FBXO31: variants seen among roughly 807,000 people sequenced by gnomAD.
The protein encoded by FBXO31 is F-box only protein 31.
A neutral mutation model predicts 54.4 loss-of-function variants in FBXO31; 24 were observed. The observed-to-expected ratio is 0.44, with a 90% CI of 0.32 to 0.62. The LOEUF (loss-of-function observed/expected upper bound fraction) is 0.62. Among genes scored for constraint, FBXO31 ranks in the 20% least tolerant of loss-of-function variants. FBXO31 has a pLI of 0.05. For synonymous variants in FBXO31, 388 were observed against 335.6 expected, an observed-to-expected ratio of 1.16 and a Z score of -1.71; for missense variants, 665 against 787.1, an observed-to-expected ratio of 0.84 and a Z score of 1.86.
At chr16:87,386,713 C>G (rs1038271983), upstream of FBXO31, among the ~76,000 whole-genome samples, 1 of 152,170 alleles carries the variant, frequency 6.6e-6, no homozygotes, top group African/African-American at 2.4e-5. Context: ...GGATTACAGG[C>G]ACGAGCCACT....
chr16:87,383,540 C>G lies in FBXO31; in HGVS notation c.205G>C (p.Glu69Gln), dbSNP rs1907180748. ...SPPPPRCSLLELPPELLVEIF... is the reference protein window; with the variant it reads ...SPPPPRCSLLQLPPELLVEIF... ...TCCACCAGCAGCTCGGGCGGCAGCT[C>G]CAGCAGCGAGCAGCGCGGGGGCGGC... The change falls in exon 1 of 9, where the codon GAG (glutamate) becomes CAG (glutamine). Residue 69 changes from glutamate (E) to glutamine (Q), a missense_variant. Glu to Gln is a conservative substitution (Grantham distance 29, BLOSUM62 2). Coordinates refer to ENST00000311635, the MANE Select transcript of FBXO31 (RefSeq NM_024735.5). This position sits in a 1 kb window ranked among gnomAD's most constrained non-coding sequence, Gnocchi z 4.9. 6.4e-7 allele frequency: 1 copy of G among 1,572,034 alleles called. No homozygotes were observed. Among genetic ancestry groups the G allele is most frequent in the Non-Finnish European group, 8.6e-7 (1 of 1,164,368 alleles).
intron 1 of FBXO31, among the ~76,000 whole-genome samples, chr16:87,379,660 C>T (rs1034111791): frequency 1.3e-5 from 2 of 152,116 alleles, no homozygotes; most frequent in Non-Finnish European, 2.9e-5. Context: ...TCATTTCATC[C>T]ATCAGCCAGG....
At chr16:87,364,387 C>T (rs1407671506) in intron 1 of FBXO31, among the ~76,000 whole-genome samples, 1 of 152,242 alleles carries the variant, frequency 6.6e-6, no homozygotes, top group Non-Finnish European at 1.5e-5. Flanking sequence ...CCAGCAGGCC[C>T]TGGATGGCCA....
At position 87,358,706 on chromosome 16, in the gene FBXO31, C is replaced by T. The variant is rs576193104; in HGVS notation, c.412+1589G>A. On this transcript the variant is annotated intron_variant, in intron 2 of 8. Coordinates refer to ENST00000311635, the MANE Select transcript of FBXO31 (RefSeq NM_024735.5). This position sits in a 1 kb window ranked among gnomAD's most constrained non-coding sequence, Gnocchi z 4.0. ...CGTTTTCCTTCCATCAGTGGTGCCACCAGAAACTCACGGTGGCAGCAAGCT... is the reference window on the plus strand; with the variant it reads ...CGTTTTCCTTCCATCAGTGGTGCCATCAGAAACTCACGGTGGCAGCAAGCT... 1.4e-4 allele frequency among the ~76,000 whole-genome samples: 22 copies of T among 152,300 alleles called. 1 individual carries two copies. In the South Asian group the frequency reaches 1.5e-3, roughly 10 times the overall value.
intron 1 of FBXO31, among the ~76,000 whole-genome samples, chr16:87,376,765 G>C (rs75210147): frequency 0.061 from 9,357 of 152,236 alleles, 405 homozygotes; most frequent in Non-Finnish European, 0.093. Context: ...GCACCTCCCA[G>C]GCAGCCCAAG....
chr16:87,361,910 T>C (rs1378361851), intron 1 of FBXO31, among the ~76,000 whole-genome samples: 3 of 152,258 alleles, frequency 2.0e-5, no homozygotes, highest in Admixed American at 6.5e-5. Context: ...AGAAGGCCTG[T>C]GTCTCCTCTC....
At chr16:87,353,088 G>A (rs1048145840) in intron 2 of FBXO31, among the ~76,000 whole-genome samples, 2 of 152,304 alleles carry the variant, frequency 1.3e-5, no homozygotes, top group East Asian at 1.9e-4. Context: ...TCCGTCAGCC[G>A]AGGCGTGGCC....
upstream of FBXO31, among the ~76,000 whole-genome samples, chr16:87,385,529 A>G (rs1208592607): frequency 1.3e-5 from 2 of 152,210 alleles, no homozygotes; most frequent in Admixed American, 6.5e-5. Flanking sequence ...TTAAACAAGT[A>G]ACCACATAGA....
upstream of FBXO31, among the ~76,000 whole-genome samples, chr16:87,387,025 G>C (rs945227267): frequency 6.6e-6 from 1 of 152,170 alleles, no homozygotes; most frequent in African/African-American, 2.4e-5. Flanking sequence ...AAGGCTGGGA[G>C]TGGTGGCTCA....
upstream of FBXO31, among the ~76,000 whole-genome samples, chr16:87,390,374 T>A (rs897424292): frequency 2.0e-5 from 3 of 152,196 alleles, no homozygotes; most frequent in Non-Finnish European, 4.4e-5. Flanking sequence ...TATACAAGGA[T>A]CTATGACAGT....
chr16:87,328,876 C>T lies in FBXO31; in HGVS notation c.*2412G>A, dbSNP rs1291237211. On this transcript the variant is annotated 3_prime_UTR_variant, in exon 9 of 9. Transcript: ENST00000311635. ...GCTGTCCTGAACTGGGTTACTCAGC[C>T]TCCTCCTTGGAAACGGTTTTATCCA... 1.3e-5 allele frequency: 2 copies of T among 152,282 alleles called. No individual in the cohort carries two copies. The highest frequency in any genetic ancestry group is 3.9e-4 in the East Asian group (2 of 5,172). The allele number at this position is 152,282 out of a possible 1,614,324, so 9.4% of individuals were successfully genotyped here. A position where few individuals can be genotyped will look rare whatever the true frequency, so the allele number is the denominator to read the frequency against.
At chr16:87,378,130 G>C (rs1567489682) in intron 1 of FBXO31, among the ~76,000 whole-genome samples, 1 of 150,794 alleles carries the variant, frequency 6.6e-6, no homozygotes, top group Non-Finnish European at 1.5e-5. Flanking sequence ...TTGCACTACA[G>C]CCTGGGCAAC....
In FBXO31 at chr16:87,338,986, C is replaced by T. The variant is rs576065065; in HGVS notation, c.733-2722G>A. Among the ~76,000 whole-genome samples, 9 of 152,328 alleles carry T rather than the reference C, an allele frequency of 5.9e-5. No individual in the cohort carries two copies. The South Asian group carries it at 1.7e-3, about 28-fold the overall frequency. On this transcript the variant is annotated intron_variant, in intron 5 of 8. Transcript: ENST00000311635. This position sits in a 1 kb window ranked among gnomAD's most constrained non-coding sequence, Gnocchi z 4.3. ...GGTTTTATAAAGGGGAGTTCCCCTGCACAAGTTCTCTCTTTTTTTGCCTGC... is the reference window on the plus strand; with the variant it reads ...GGTTTTATAAAGGGGAGTTCCCCTGTACAAGTTCTCTCTTTTTTTGCCTGC...
Position 87,383,546 on chromosome 16 carries a change from G to A in FBXO31, c.199C>T (p.Leu67=), listed in dbSNP as rs1907181255. The A allele has an allele frequency of 1.9e-6, 3 of 1,563,032 alleles. No individual in the cohort carries two copies. The highest frequency in any genetic ancestry group is 1.4e-5 in the African/African-American group (1 of 71,116). The change falls in exon 1 of 9, where the codon CTG becomes TTG. Residue 67 remains leucine, a synonymous_variant. Coordinates refer to ENST00000311635, the MANE Select transcript of FBXO31 (RefSeq NM_024735.5). The surrounding 1 kb of genome is among the most constrained non-coding windows in gnomAD (Gnocchi z 4.9). ...AGCAGCTCGGGCGGCAGCTCCAGCA[G>A]CGAGCAGCGCGGGGGCGGCGGCGAG... The part of the protein sequence containing the change: ...GPSPPPPRCS[L]LELPPELLVE...
chr16:87,343,290 A>G (rs771941792), intron 4 of FBXO31, among the ~76,000 whole-genome samples: 3 of 152,262 alleles, frequency 2.0e-5, no homozygotes, highest in Non-Finnish European at 4.4e-5. Context: ...ATCAGAGAAC[A>G]GAGAGCGCAC....
At chr16:87,362,647 G>C (rs1214118160) in intron 1 of FBXO31, 1 of 152,384 alleles carries the variant, frequency 6.6e-6, no homozygotes, top group Non-Finnish European at 1.5e-5. Context: ...TGCAACCTCC[G>C]CCTCCCAGGT....
In FBXO31 at chr16:87,360,306, ACGTCC is replaced by A; in HGVS notation, c.396_400del (p.Asp133LeufsTer9). On this transcript the variant is annotated frameshift_variant, in exon 2 of 9. Transcript: ENST00000311635. LOFTEE classifies it high-confidence loss of function. ...ATAGATTCACTCACGCTTCGCATAG[ACGTCC>A]CGACAAGACACGCCTGTGATCTCCA... 1 of 1,614,180 alleles carries A rather than the reference ACGTCC, an allele frequency of 6.2e-7. No homozygotes were observed.
Position 87,328,942 on chromosome 16 carries a change from C to T in FBXO31, c.*2346G>A, listed in dbSNP as rs935387901. The T allele has an allele frequency of 1.3e-5, 2 of 152,266 alleles. No individual in the cohort carries two copies. Among genetic ancestry groups the T allele is most frequent in the Non-Finnish European group, 2.9e-5 (2 of 68,060 alleles). The allele number at this position is 152,266 out of a possible 1,614,324, so 9.4% of individuals were successfully genotyped here. The stretch of plus-strand genomic sequence containing the variant: ...TAGGCCTCTGATGACGACATCAGCC[C>T]TTCCGAGTTCTCACCTGCAGGAAAT... On this transcript the variant is annotated 3_prime_UTR_variant, in exon 9 of 9. Coordinates refer to ENST00000311635, the MANE Select transcript of FBXO31 (RefSeq NM_024735.5).
At chr16:87,376,313 G>A (rs867916872) in intron 1 of FBXO31, among the ~76,000 whole-genome samples, 2 of 147,824 alleles carry the variant, frequency 1.4e-5, no homozygotes, top group African/African-American at 2.5e-5. Context: ...TTACTCTGTC[G>A]CCCAGGCTGG....
Sources: gnomAD v4.1 joint callset for allele counts (sites outside exome capture counted in the v4.1 genomes callset) on GRCh38, gnomAD v4.1.1 for gene constraint, Gnocchi (gnomAD v3.1) non-coding constraint, MANE v1.5 for transcripts, NCBI Gene and HGNC (gene_info 2026-07-23, HGNC 2026-07-21) for gene names.